RBFOX1: variants seen among roughly 807,000 people sequenced by gnomAD.
RBFOX1 encodes RNA binding protein fox-1 homolog 1.
RBFOX1 carries 8 observed loss-of-function variants against 57.7 expected under a neutral mutation model. That is an observed-to-expected ratio of 0.14 (90% confidence interval 0.08 to 0.25). RBFOX1 has a LOEUF of 0.25. Ranked by LOEUF, RBFOX1 falls within the 10% of genes least tolerant of loss-of-function variation. RBFOX1 has a pLI of 1.00. For synonymous variants in RBFOX1, 326 were observed against 222.4 expected (o/e 1.47, Z -4.15); for missense variants, 611 against 548.5 (o/e 1.11, Z -1.14).
chr16:5,254,384 C>G (rs1030666054), intron 1 of RBFOX1, among the ~76,000 whole-genome samples: 6 of 152,190 alleles, frequency 3.9e-5, no homozygotes, highest in African/African-American at 1.2e-4. Context: ...ACATACTTGT[C>G]TGTGGGCCTT....
At chr16:5,999,791 G>A (rs2060557015) in intron 4 of RBFOX1, among the ~76,000 whole-genome samples, 1 of 146,608 alleles carries the variant, frequency 6.8e-6, no homozygotes, top group South Asian at 2.3e-4. Flanking sequence ...AACCTGGGAG[G>A]CGGAGCTTGT....
At chr16:7,167,182 C>G (rs545996921) in intron 4 of RBFOX1, among the ~76,000 whole-genome samples, 231 of 151,316 alleles carry the variant, frequency 1.5e-3, no homozygotes, top group Non-Finnish European at 1.7e-3. Context: ...GAAGGGATTT[C>G]TCCGTGTTGG....
chr16:5,673,192 T>A (rs2050066158), intron 3 of RBFOX1, among the ~76,000 whole-genome samples: 1 of 151,816 alleles, frequency 6.6e-6, no homozygotes, highest in Non-Finnish European at 1.5e-5. Flanking sequence ...CAAGAAAATA[T>A]ATTTAGAGCT....
chr16:5,327,263 G>T (rs969903704), intron 1 of RBFOX1, among the ~76,000 whole-genome samples: 2 of 152,044 alleles, frequency 1.3e-5, no homozygotes, highest in Non-Finnish European at 2.9e-5. Context: ...CTGCTGAATG[G>T]GACCCTGCCC....
rs2083986702 is a variant in RBFOX1, at chr16:7,711,442, C to T, written c.*697C>T. The T allele has an allele frequency of 6.6e-6, 1 of 152,192 alleles. No individual in the cohort carries two copies. The highest frequency in any genetic ancestry group is 2.4e-5 in the African/African-American group (1 of 41,294). The allele number at this position is 152,192 out of a possible 1,614,324, so 9.4% of individuals were successfully genotyped here. The stretch of plus-strand genomic sequence containing the variant: ...CAGTATTCAGCTTCTTAACCAGTCG[C>T]TATTTAGGAAAAAAAACCCACTAGT... On this transcript the variant is annotated 3_prime_UTR_variant, in exon 16 of 16. Transcript: ENST00000550418.
chr16:6,583,958 G>C (rs2097571001), intron 2 of RBFOX1, among the ~76,000 whole-genome samples: 1 of 148,292 alleles, frequency 6.7e-6, no homozygotes, highest in South Asian at 2.2e-4. Flanking sequence ...TGGTAGTTGA[G>C]AAAGCTGAAA....
intron 4 of RBFOX1, among the ~76,000 whole-genome samples, chr16:7,238,558 A>C (rs766974191): frequency 3.3e-5 from 5 of 152,028 alleles, no homozygotes; most frequent in Non-Finnish European, 7.4e-5. Flanking sequence ...AGGAAAGCCT[A>C]CTTCTGTGTT....
intron 4 of RBFOX1, among the ~76,000 whole-genome samples, chr16:7,429,913 C>G (rs2098662127): frequency 6.6e-6 from 1 of 152,140 alleles, no homozygotes; most frequent in African/African-American, 2.4e-5. Flanking sequence ...ACAAAATACA[C>G]AAAAATCTCT....
chr16:6,909,979 C>A (rs944471837), intron 3 of RBFOX1, among the ~76,000 whole-genome samples: 1 of 152,014 alleles, frequency 6.6e-6, no homozygotes, highest in South Asian at 2.1e-4. Flanking sequence ...GCTCCTCAGG[C>A]AGATCTCTCT....
chr16:5,562,206 T>C (rs146865080), intron 2 of RBFOX1, among the ~76,000 whole-genome samples: 1 of 152,292 alleles, frequency 6.6e-6, no homozygotes, highest in African/African-American at 2.4e-5. Context: ...TCCATCCAAG[T>C]TTATTTCCGA....
intron 3 of RBFOX1, among the ~76,000 whole-genome samples, chr16:7,050,790 A>C (rs1157345296): frequency 6.6e-6 from 1 of 152,070 alleles, no homozygotes; most frequent in Non-Finnish European, 1.5e-5. Context: ...TAATGTTTAT[A>C]ATTTCTTTTT....
intron 3 of RBFOX1, among the ~76,000 whole-genome samples, chr16:5,813,086 C>A (rs1189404820): frequency 2.7e-5 from 4 of 150,926 alleles, no homozygotes; most frequent in African/African-American, 7.3e-5. Context: ...TGGCTCACTG[C>A]AACCTCCACC....
intron 4 of RBFOX1, among the ~76,000 whole-genome samples, chr16:7,120,701 A>C (rs1210825383): frequency 6.6e-6 from 1 of 150,902 alleles, no homozygotes; most frequent in Non-Finnish European, 1.5e-5. Flanking sequence ...TGGGAAAAAA[A>C]AAAAAAAACT....
intron 3 of RBFOX1, among the ~76,000 whole-genome samples, chr16:6,962,332 G>A (rs1017399289): frequency 1.3e-5 from 2 of 152,082 alleles, no homozygotes; most frequent in African/African-American, 2.4e-5. Flanking sequence ...TTAGCTTAAT[G>A]ACATCTGCAA....
chr16:5,306,760 C>G (rs1232168652), intron 1 of RBFOX1, among the ~76,000 whole-genome samples: 2 of 152,218 alleles, frequency 1.3e-5, no homozygotes, highest in Non-Finnish European at 1.5e-5. Flanking sequence ...TGCCTTTTAT[C>G]TGTTAGAGTC....
intron 2 of RBFOX1, among the ~76,000 whole-genome samples, chr16:5,486,457 C>G (rs139136837): frequency 6.6e-6 from 1 of 152,218 alleles, no homozygotes; most frequent in South Asian, 2.1e-4. Context: ...ACAGAGTGAT[C>G]TGTTTTGAGT....
chr16:5,689,849 A>G (rs2050617505), intron 3 of RBFOX1, among the ~76,000 whole-genome samples: 1 of 152,060 alleles, frequency 6.6e-6, no homozygotes, highest in Admixed American at 6.6e-5. Flanking sequence ...GTTATGTATT[A>G]TGGTAATCAC....
chr16:6,264,650 C>T (rs2097722165), intron 1 of RBFOX1, among the ~76,000 whole-genome samples: 1 of 152,160 alleles, frequency 6.6e-6, no homozygotes, highest in Non-Finnish European at 1.5e-5. Flanking sequence ...TGTGCTCTTC[C>T]CCTTCCTTGT....
chr16:5,674,938 G>T (rs759354172), intron 3 of RBFOX1, among the ~76,000 whole-genome samples: 9 of 152,090 alleles, frequency 5.9e-5, no homozygotes. Flanking sequence ...CTCGATCCCA[G>T]GAGTTTGAAA....
Sources: gnomAD v4.1 joint callset for allele counts (sites outside exome capture counted in the v4.1 genomes callset) on GRCh38, gnomAD v4.1.1 for gene constraint, MANE v1.5 for transcripts, NCBI Gene and HGNC (gene_info 2026-07-23, HGNC 2026-07-21) for gene names.